IL31RA: variants seen among roughly 807,000 people sequenced by gnomAD.
IL31RA encodes the protein interleukin-31 receptor subunit alpha.
Under a neutral mutation model 83.7 loss-of-function variants are expected in IL31RA, and 66 were observed. That is an observed-to-expected ratio of 0.79 (90% CI 0.65 to 0.97). The LOEUF (loss-of-function observed/expected upper bound fraction) is 0.97, where lower values mean the gene tolerates loss of function less well. IL31RA is among the 50% of genes least tolerant of loss of function. IL31RA has a pLI of 0.00. For synonymous variants in IL31RA, 325 were observed against 329.0 expected, an observed-to-expected ratio of 0.99 and a Z score of 0.13; for missense variants, 798 against 919.4, an observed-to-expected ratio of 0.87 and a Z score of 1.71.
intron 1 of IL31RA, among the ~76,000 whole-genome samples, chr5:55,855,043 G>A (rs575286023): frequency 6.6e-6 from 1 of 152,216 alleles, no homozygotes; most frequent in Admixed American, 6.5e-5. Context: ...GAGAGGCTGA[G>A]CAGTGCATCG....
Position 55,913,498 on chromosome 5 carries a change from T to C in IL31RA, c.1664T>C (p.Ile555Thr). The C allele has an allele frequency of 1.2e-6, 2 of 1,613,114 alleles. No homozygotes were observed. Among genetic ancestry groups the C allele is most frequent in the Non-Finnish European group, 1.7e-6 (2 of 1,178,996 alleles). ...LSFSVFEIIL[I>T]TSLIGGGLLI... Reference sequence around the variant, plus strand: ...AAAGGTGTCTTTGAGATTATCCTCATAACTTCTCTGATTGGTGGAGGCCTT... The same window carrying C: ...AAAGGTGTCTTTGAGATTATCCTCACAACTTCTCTGATTGGTGGAGGCCTT... Residue 555 changes from isoleucine (I) to threonine (T), a missense_variant, in exon 13 of 15, where the codon ATA becomes ACA. Coordinates refer to ENST00000652347, the MANE Select transcript of IL31RA (RefSeq NM_139017.7).
chr5:55,896,868 G>A (rs2112504845), intron 7 of IL31RA, among the ~76,000 whole-genome samples: 1 of 86,122 alleles, frequency 1.2e-5, no homozygotes, highest in Non-Finnish European at 2.3e-5. Context: ...CCAGGCTGGA[G>A]TGCAGTAGTG....
intron 12 of IL31RA, among the ~76,000 whole-genome samples, chr5:55,912,221 C>T (rs893526931): frequency 6.6e-6 from 1 of 152,154 alleles, no homozygotes; most frequent in Non-Finnish European, 1.5e-5. Context: ...AGTTTCAAAC[C>T]CTGAATTCTC....
chr5:55,856,620 C>T lies in IL31RA; in HGVS notation c.64-2889C>T, dbSNP rs892745286. ...ATATTCTTTGTTCAGGGCCTTCTTC[C>T]GTTAAATTAGTAATCAGAGAGGGCA... On this transcript the variant is annotated intron_variant, in intron 1 of 14. Transcript: ENST00000652347. Among the ~76,000 whole-genome samples the T allele has an allele frequency of 3.9e-5, 6 of 152,228 alleles. No homozygotes were observed. In the South Asian group the frequency reaches 6.2e-4, roughly 16 times the overall value.
intron 4 of IL31RA, among the ~76,000 whole-genome samples, chr5:55,880,697 C>T (rs866915410): frequency 1.3e-5 from 2 of 152,126 alleles, no homozygotes; most frequent in Middle Eastern, 3.2e-3. Flanking sequence ...AGGGAAACCA[C>T]CAGAGATGTA....
In IL31RA at chr5:55,918,161, A is replaced by G. The variant is rs1399709896; in HGVS notation, c.*1041A>G. 6.6e-6 allele frequency among the ~76,000 whole-genome samples: 1 copy of G among 152,184 alleles called. No homozygotes were observed. Among genetic ancestry groups the G allele is most frequent in the Admixed American group, 6.5e-5 (1 of 15,282 alleles). ...TGAGATAGTACTGGGCTCCTCCTGTAACTATAGTGACAGAGTCAGCTGTGA... is the reference window on the plus strand; with the variant it reads ...TGAGATAGTACTGGGCTCCTCCTGTGACTATAGTGACAGAGTCAGCTGTGA... On this transcript the variant is annotated 3_prime_UTR_variant, in exon 15 of 15. Transcript: ENST00000652347.
In IL31RA at chr5:55,859,688, T is replaced by G. The variant is rs1034724124; in HGVS notation, c.154+89T>G. 10 of 911,774 alleles carry G rather than the reference T, an allele frequency of 1.1e-5. No homozygotes were observed. In the African/African-American group the frequency reaches 1.6e-4, roughly 15 times the overall value. 56.5% of individuals were successfully genotyped at this position (911,774 alleles called of 1,614,324 possible). A position where few individuals can be genotyped will look rare whatever the true frequency, so the allele number is the denominator to read the frequency against. Reference sequence around the variant, plus strand: ...GTTAACTTTAAAGCGACACCTGGATTATGGACATCCACAGATAGAAAAGGG... The same window carrying G: ...GTTAACTTTAAAGCGACACCTGGATGATGGACATCCACAGATAGAAAAGGG... On this transcript the variant is annotated intron_variant, in intron 2 of 14. Coordinates refer to ENST00000652347, the MANE Select transcript of IL31RA (RefSeq NM_139017.7).
At chr5:55,901,584 GTCATTATTA>G (rs895187040) in intron 8 of IL31RA, among the ~76,000 whole-genome samples, 6 of 103,350 alleles carry the variant, frequency 5.8e-5, no homozygotes, top group African/African-American at 2.2e-4. Context: ...TATTACTATT[GTCATTATTA>G]TTATTATTAT....
chr5:55,853,667 C>A, intron 1 of IL31RA: 1 of 1,232,178 alleles, frequency 8.1e-7, no homozygotes, highest in Non-Finnish European at 1.1e-6. Flanking sequence ...GGGTCAGACC[C>A]ACCACGTGAA....
chr5:55,856,745 G>C (rs570496921), intron 1 of IL31RA, among the ~76,000 whole-genome samples: 1 of 152,114 alleles, frequency 6.6e-6, no homozygotes, highest in Admixed American at 6.5e-5. Flanking sequence ...AGAGTCTTTC[G>C]CTCCAGTGAC....
At chr5:55,853,366 C>T (rs1219885735) in intron 1 of IL31RA, 1 of 1,324,390 alleles carries the variant, frequency 7.6e-7, no homozygotes, top group African/African-American at 1.5e-5. Context: ...GGGTAAGTGC[C>T]ACTTTGACTT....
chr5:55,868,905 C>G lies in IL31RA; in HGVS notation c.269C>G (p.Thr90Ser). The G allele has an allele frequency of 6.8e-7, 1 of 1,463,834 alleles. No individual in the cohort carries two copies. Among genetic ancestry groups the G allele is most frequent in the Admixed American group, 1.7e-5 (1 of 59,834 alleles). The allele number at this position is 1,463,834 out of a possible 1,614,324, so 90.7% of individuals were successfully genotyped here. A position where few individuals can be genotyped will look rare whatever the true frequency, so the allele number is the denominator to read the frequency against. The stretch of plus-strand genomic sequence containing the variant: ...TATACCCAGTACACAGTTAAGAGAA[C>G]TTAGTAAGTACAGGAGCTTGTGTTT... ...TSYTQYTVKR[T>S]YAFGEKHDNC... The change falls in exon 3 of 15, where the codon ACT becomes AGT. Residue 90 changes from threonine (T) to serine (S), a missense_variant. By Grantham distance (58) the Thr-to-Ser change is moderately conservative (BLOSUM62 1). Transcript: ENST00000652347.
At chr5:55,883,939 T>C (rs749311116) in intron 5 of IL31RA, among the ~76,000 whole-genome samples, 4 of 152,236 alleles carry the variant, frequency 2.6e-5, no homozygotes, top group Admixed American at 6.5e-5. Flanking sequence ...TGCTATATAA[T>C]GCTGTAGTTT....
intron 5 of IL31RA, among the ~76,000 whole-genome samples, chr5:55,887,848 A>G (rs1580703142): frequency 6.6e-6 from 1 of 150,862 alleles, no homozygotes. Context: ...TCGCCACCGT[A>G]CTCCAGCCTG....
intron 4 of IL31RA, 23 bp downstream of exon 4, chr5:55,872,474 A>G (rs371670346): frequency 6.1e-6 from 9 of 1,470,450 alleles, no homozygotes; most frequent in Non-Finnish European, 8.5e-6. Flanking sequence ...TGATACTCTT[A>G]TATACTCTTT....
Position 55,919,411 on chromosome 5 carries a change from C to T in IL31RA, c.*2291C>T, listed in dbSNP as rs936021936. 6.6e-6 allele frequency among the ~76,000 whole-genome samples: 1 copy of T among 152,158 alleles called. No homozygotes were observed. Among genetic ancestry groups the T allele is most frequent in the Admixed American group, 6.5e-5 (1 of 15,278 alleles). ...GTGGATTCCAGAGATAAGGATGTTGCCCTCTGGCCCCTGCTCCTTCATCAT... is the reference window on the plus strand; with the variant it reads ...GTGGATTCCAGAGATAAGGATGTTGTCCTCTGGCCCCTGCTCCTTCATCAT... On this transcript the variant is annotated 3_prime_UTR_variant, in exon 15 of 15. Coordinates refer to ENST00000652347, the MANE Select transcript of IL31RA (RefSeq NM_139017.7).
chr5:55,849,073 C>T (rs1236606606), upstream of IL31RA, among the ~76,000 whole-genome samples: 1 of 152,144 alleles, frequency 6.6e-6, no homozygotes, highest in East Asian at 1.9e-4. Context: ...TATAATTTTA[C>T]ATTTTATCAA....
chr5:55,854,666 A>G (rs558591713), intron 1 of IL31RA, among the ~76,000 whole-genome samples: 1 of 151,292 alleles, frequency 6.6e-6, no homozygotes, highest in Non-Finnish European at 1.5e-5. Flanking sequence ...AATCACTTGA[A>G]CCCGCGAGGC....
chr5:55,853,408 CA>C, intron 1 of IL31RA: 4 of 1,416,058 alleles, frequency 2.8e-6, no homozygotes, highest in Non-Finnish European at 3.7e-6. Context: ...GAAAAGCTCG[CA>C]GACAATCAGA....
Sources: gnomAD v4.1 joint callset for allele counts (sites outside exome capture counted in the v4.1 genomes callset) on GRCh38, gnomAD v4.1.1 for gene constraint, MANE v1.5 for transcripts, NCBI Gene and HGNC (gene_info 2026-07-23, HGNC 2026-07-21) for gene names.